TLL1: variants seen among roughly 807,000 people sequenced by gnomAD.
TLL1 encodes the protein tolloid-like protein 1.
Under a neutral mutation model 128.2 loss-of-function variants are expected in TLL1, and 49 were observed. That is an observed-to-expected ratio of 0.38 (90% confidence interval 0.30 to 0.48). The LOEUF (loss-of-function observed/expected upper bound fraction) is 0.48. TLL1 is among the 20% of genes least tolerant of loss of function. The pLI, the probability that TLL1 is intolerant of heterozygous loss-of-function variation, is 0.96. For missense variants in TLL1, 1,123 were observed against 1,242.0 expected, an observed-to-expected ratio of 0.90 and a Z score of 1.44; for synonymous variants, 454 against 418.8, an observed-to-expected ratio of 1.08 and a Z score of -1.03.
At chr4:166,066,499 CA>C (rs1199397448) in intron 16 of TLL1, among the ~76,000 whole-genome samples, 1 of 151,680 alleles carries the variant, frequency 6.6e-6, no homozygotes, top group African/African-American at 2.4e-5. Context: ...TTGAAACTTC[CA>C]AAGTAGATAA....
In TLL1 at chr4:165,992,145, T is replaced by C. The variant is rs1389015966; in HGVS notation, c.281-659T>C. Among the ~76,000 whole-genome samples, 3 of 152,068 alleles carry C rather than the reference T, an allele frequency of 2.0e-5. No homozygotes were observed. In the East Asian group the frequency reaches 5.8e-4, roughly 29 times the overall value. On this transcript the variant is annotated intron_variant, in intron 2 of 20. Transcript: ENST00000061240. ...TATTCCTTTTGCACTACAGACTTTT[T>C]TTACACTCTGTTTTTTATAAATTTT...
At chr4:165,936,976 C>G (rs541472502) in intron 1 of TLL1, among the ~76,000 whole-genome samples, 108 of 152,148 alleles carry the variant, frequency 7.1e-4, no homozygotes, top group Admixed American at 1.8e-3. Context: ...ATGTAGAAAC[C>G]TTACTTCCAC....
Position 166,087,157 on chromosome 4 carries a change from G to C in TLL1, c.2443-3971G>C, listed in dbSNP as rs541679175. On this transcript the variant is annotated intron_variant, in intron 18 of 20. Transcript: ENST00000061240. ...TCAAAACAAAATACAAACAAACAAAGTTCTAGGCATCCAAGCATACTTCAA... is the reference window on the plus strand; with the variant it reads ...TCAAAACAAAATACAAACAAACAAACTTCTAGGCATCCAAGCATACTTCAA... 3.3e-5 allele frequency among the ~76,000 whole-genome samples: 5 copies of C among 152,190 alleles called. No individual in the cohort carries two copies. The South Asian group carries it at 6.2e-4, about 19-fold the overall frequency.
chr4:166,050,617 G>C (rs1739671062), intron 12 of TLL1, among the ~76,000 whole-genome samples: 1 of 152,212 alleles, frequency 6.6e-6, no homozygotes, highest in Middle Eastern at 3.4e-3. Flanking sequence ...ATGGTATATT[G>C]ATTTGGAAAT....
rs1399425657 is a variant in TLL1 at position 166,103,011 on chromosome 4, C to G, written c.*2135C>G. The G allele has an allele frequency of 3.1e-4, 47 of 151,908 alleles. No homozygotes were observed. Among genetic ancestry groups the G allele is most frequent in the Admixed American group, 3.0e-3 (45 of 15,212 alleles). The allele number at this position is 151,908 out of a possible 1,614,324, so 9.4% of individuals were successfully genotyped here. A position where few individuals can be genotyped will look rare whatever the true frequency, so the allele number is the denominator to read the frequency against. On this transcript the variant is annotated 3_prime_UTR_variant, in exon 21 of 21. Coordinates refer to ENST00000061240, the MANE Select transcript of TLL1 (RefSeq NM_012464.5). ...CCCGTGTGCTAGGAATGTGCACTAGCTCTTTTTAAATTCCATGCTACACTT... is the reference window on the plus strand; with the variant it reads ...CCCGTGTGCTAGGAATGTGCACTAGGTCTTTTTAAATTCCATGCTACACTT...
intron 1 of TLL1, among the ~76,000 whole-genome samples, chr4:165,926,190 G>T (rs1733259691): frequency 6.6e-6 from 1 of 152,092 alleles, no homozygotes; most frequent in African/African-American, 2.4e-5. Flanking sequence ...TTAAATGAAA[G>T]ATTGAAATTT....
intron 14 of TLL1, among the ~76,000 whole-genome samples, chr4:166,058,847 G>A (rs890225335): frequency 3.3e-5 from 5 of 152,044 alleles, no homozygotes; most frequent in African/African-American, 1.2e-4. Flanking sequence ...ATAATAAGTG[G>A]CAAAGGGGAA....
At chr4:165,918,447 G>T (rs1443105618) in intron 1 of TLL1, among the ~76,000 whole-genome samples, 2 of 152,052 alleles carry the variant, frequency 1.3e-5, no homozygotes, top group Admixed American at 1.3e-4. Context: ...CTAATATTTA[G>T]GTTGTATCCC....
chr4:166,074,704 C>G (rs1740942260), intron 16 of TLL1, among the ~76,000 whole-genome samples, 174 bp from the exon 17 acceptor site: 1 of 152,030 alleles, frequency 6.6e-6, no homozygotes, highest in Non-Finnish European at 1.5e-5. Context: ...TCAAGCTAAA[C>G]AAGGAAAGGG....
At chr4:166,057,863 G>C in intron 14 of TLL1, among the ~76,000 whole-genome samples, 1 of 152,196 alleles carries the variant, frequency 6.6e-6, no homozygotes, top group South Asian at 2.1e-4. Context: ...CCTCCCACCA[G>C]GTCCCTCCCA....
chr4:166,044,829 A>T (rs1157669559), intron 12 of TLL1, among the ~76,000 whole-genome samples: 1 of 152,204 alleles, frequency 6.6e-6, no homozygotes, highest in Non-Finnish European at 1.5e-5. Flanking sequence ...TTTAATATGT[A>T]ATTCAGTTTT....
At chr4:166,046,904 G>A (rs184364004) in intron 12 of TLL1, among the ~76,000 whole-genome samples, 1 of 152,142 alleles carries the variant, frequency 6.6e-6, no homozygotes, top group East Asian at 1.9e-4. Context: ...TCAAGAATCA[G>A]CTTTATATAT....
chr4:165,907,550 C>CTT lies in TLL1; in HGVS notation c.169+33491_169+33492dup, dbSNP rs111799840. ...AGAGTAAGATTAATTTAATGCAAGC[C>CTT]TTTTTTTTTTTTTTTGAGACGGAGT... On this transcript the variant is annotated intron_variant, in intron 1 of 20. Coordinates refer to ENST00000061240, the MANE Select transcript of TLL1 (RefSeq NM_012464.5). 2.7e-3 allele frequency among the ~76,000 whole-genome samples: 380 copies of CTT among 139,528 alleles called. 3 individuals carry two copies. The East Asian group carries it at 0.044, about 16-fold the overall frequency. The allele number at this position is 139,528 out of a possible 152,430, so 91.5% of individuals were successfully genotyped here.
rs151024882 is a variant in TLL1 at position 166,056,929 on chromosome 4, C to A, written c.1721-255C>A. ...AAGCAATGGAAGAAATGAATTGTTTCCATTTTATTTGGAACCATTAAGCAT... is the reference window on the plus strand; with the variant it reads ...AAGCAATGGAAGAAATGAATTGTTTACATTTTATTTGGAACCATTAAGCAT... On this transcript the variant is annotated intron_variant, in intron 13 of 20. Transcript: ENST00000061240. 3.2e-4 allele frequency among the ~76,000 whole-genome samples: 48 copies of A among 152,126 alleles called. No individual in the cohort carries two copies. In the East Asian group the frequency reaches 7.0e-3, roughly 22 times the overall value.
chr4:165,979,358 T>C (rs1185085611), intron 1 of TLL1, among the ~76,000 whole-genome samples: 3 of 152,126 alleles, frequency 2.0e-5, no homozygotes, highest in Non-Finnish European at 2.9e-5. Flanking sequence ...TGTAGTCAAA[T>C]GTGTGTAACA....
At chr4:165,990,657 A>G (rs1736597491) in intron 2 of TLL1, among the ~76,000 whole-genome samples, 1 of 151,844 alleles carries the variant, frequency 6.6e-6, no homozygotes, top group African/African-American at 2.4e-5. Context: ...TCAACTGCAG[A>G]AAACGCACTT....
intron 1 of TLL1, among the ~76,000 whole-genome samples, chr4:165,931,644 G>A (rs7688168): frequency 0.044 from 6,622 of 149,118 alleles, 431 homozygotes; most frequent in African/African-American, 0.15. Flanking sequence ...GCGTGAACCA[G>A]GGAGGTGGAG....
At chr4:165,995,203 A>G in intron 5 of TLL1, 25 bp downstream of exon 5, 1 of 1,495,592 alleles carries the variant, frequency 6.7e-7, no homozygotes, top group Non-Finnish European at 9.3e-7. Flanking sequence ...GTAGGGACTG[A>G]CTTAAGGAAA....
chr4:166,052,982 T>TATATATATA (rs1553965120), intron 12 of TLL1, among the ~76,000 whole-genome samples: 2 of 145,366 alleles, frequency 1.4e-5, no homozygotes, highest in Non-Finnish European at 3.0e-5. Flanking sequence ...TATATATATA[T>TATATATATA]TTGGCCAAAT....
Sources: gnomAD v4.1 joint callset for allele counts (sites outside exome capture counted in the v4.1 genomes callset) on GRCh38, gnomAD v4.1.1 for gene constraint, MANE v1.5 for transcripts, NCBI Gene and HGNC (gene_info 2026-07-23, HGNC 2026-07-21) for gene names.